The following SCAF8 variants were observed in gnomAD, a reference collection of about 807,000 sequenced individuals.
SCAF8 encodes SR-related and CTD-associated factor 8.
Under a neutral mutation model 140.5 loss-of-function variants are expected in SCAF8, and 23 were observed. That is an observed-to-expected ratio of 0.16 (90% CI 0.12 to 0.23). The LOEUF (loss-of-function observed/expected upper bound fraction) is 0.23, where lower values mean the gene tolerates loss of function less well. SCAF8 is among the 10% of genes least tolerant of loss of function. The pLI, the probability that SCAF8 is intolerant of heterozygous loss-of-function variation, is 1.00. For synonymous variants in SCAF8, 575 were observed against 528.9 expected, an observed-to-expected ratio of 1.09 and a Z score of -1.20; for missense variants, 1,397 against 1,555.7, an observed-to-expected ratio of 0.90 and a Z score of 1.72.
At chr6:154,779,804 C>CT (rs1232046887) in intron 3 of SCAF8, among the ~76,000 whole-genome samples, 21 of 144,458 alleles carry the variant, frequency 1.5e-4, no homozygotes, top group Middle Eastern at 3.6e-3. Context: ...TATATATACA[C>CT]TTTTTTTTTA....
rs994035245 is a variant in SCAF8, at chr6:154,735,485, A to G, written c.30+1555A>G. Among the ~76,000 whole-genome samples, 3 of 148,534 alleles carry G rather than the reference A, an allele frequency of 2.0e-5. No individual in the cohort carries two copies. The East Asian group carries it at 5.9e-4, about 29-fold the overall frequency. On this transcript the variant is annotated intron_variant, in intron 1 of 19. Transcript: ENST00000367178. ...TAATACTACATTTTTTATTTTTAAC[A>G]TTGATAAATTAGAGCAATAGACTTG...
chr6:154,781,040 T>C (rs576395775), intron 3 of SCAF8, among the ~76,000 whole-genome samples: 1 of 152,232 alleles, frequency 6.6e-6, no homozygotes. Flanking sequence ...ATCGGTTGTT[T>C]CTTGACTTTT....
rs934056641 is a variant in SCAF8, at chr6:154,833,971, A to G, written c.*576A>G. The G allele has an allele frequency of 6.6e-6, 1 of 152,322 alleles. No individual in the cohort carries two copies. Among genetic ancestry groups the G allele is most frequent in the African/African-American group, 2.4e-5 (1 of 41,458 alleles). The allele number at this position is 152,322 out of a possible 1,614,324, so 9.4% of individuals were successfully genotyped here. ...TCATACTGCAGTGAGTAAAAAAGAAACAAGAAAACAACAACATAAATATTA... is the reference window on the plus strand; with the variant it reads ...TCATACTGCAGTGAGTAAAAAAGAAGCAAGAAAACAACAACATAAATATTA... On this transcript the variant is annotated 3_prime_UTR_variant, in exon 20 of 20. Coordinates refer to ENST00000367178, the MANE Select transcript of SCAF8 (RefSeq NM_014892.5).
intron 14 of SCAF8, among the ~76,000 whole-genome samples, chr6:154,819,834 C>A (rs554211128): frequency 6.6e-6 from 1 of 151,996 alleles, no homozygotes; most frequent in South Asian, 2.1e-4. Context: ...CTAAAAAATA[C>A]AAAAATTAGT....
At chr6:154,817,769 T>C (rs1212712668) in intron 13 of SCAF8, among the ~76,000 whole-genome samples, 1 of 152,196 alleles carries the variant, frequency 6.6e-6, no homozygotes, top group Non-Finnish European at 1.5e-5. Flanking sequence ...AGAATGCCTT[T>C]TGAGTTTCTC....
chr6:154,756,985 C>G (rs1205482482), intron 1 of SCAF8, among the ~76,000 whole-genome samples: 1 of 152,140 alleles, frequency 6.6e-6, no homozygotes, highest in Non-Finnish European at 1.5e-5. Context: ...GGTTGCACCA[C>G]TGCACTCCAG....
At chr6:154,766,746 TGC>T (rs1400322158) in intron 1 of SCAF8, among the ~76,000 whole-genome samples, 2 of 148,252 alleles carry the variant, frequency 1.3e-5, no homozygotes, top group African/African-American at 4.9e-5. Flanking sequence ...TGAAGTCATG[TGC>T]AACATCTGGA....
At chr6:154,822,529 A>G in intron 16 of SCAF8, 120 bp downstream of exon 16, 2 of 1,003,228 alleles carry the variant, frequency 2.0e-6, no homozygotes, top group Non-Finnish European at 2.9e-6. Context: ...GTTTGTCAGT[A>G]GTGTTAGGGA....
intron 8 of SCAF8, among the ~76,000 whole-genome samples, chr6:154,803,999 A>C (rs558700705): frequency 6.6e-6 from 1 of 152,332 alleles, no homozygotes; most frequent in East Asian, 1.9e-4. Flanking sequence ...GTGGAAACAC[A>C]TCAACCTAAT....
intron 3 of SCAF8, among the ~76,000 whole-genome samples, chr6:154,785,461 A>G (rs1777225902): frequency 6.6e-6 from 1 of 152,188 alleles, no homozygotes; most frequent in Non-Finnish European, 1.5e-5. Context: ...CTCGCAATGC[A>G]TGGGTTTGTG....
At chr6:154,759,329 T>C (rs114611871) in intron 1 of SCAF8, among the ~76,000 whole-genome samples, 3 of 152,236 alleles carry the variant, frequency 2.0e-5, no homozygotes, top group African/African-American at 7.2e-5. Context: ...AAAGGACTTA[T>C]GCAGATGAGT....
At chr6:154,735,418 T>C (rs1228586244) in intron 1 of SCAF8, among the ~76,000 whole-genome samples, 1 of 152,142 alleles carries the variant, frequency 6.6e-6, no homozygotes. Context: ...CTATTTTCAA[T>C]AGCAGTGATA....
Position 154,805,494 on chromosome 6 carries a change from AC to A in SCAF8, c.981+12del. ...CAGCAACAGCCTCAAAAGGTTTATA[AC>A]CCCATCTTGTGGTCTTTAGAGTTAT... On this transcript the variant is annotated intron_variant, in intron 9 of 19. Transcript: ENST00000367178. The A allele has an allele frequency of 6.6e-7, 1 of 1,523,226 alleles. No homozygotes were observed. Among genetic ancestry groups the A allele is most frequent in the Non-Finnish European group, 9.1e-7 (1 of 1,103,104 alleles). 94.4% of individuals were successfully genotyped at this position (1,523,226 alleles called of 1,614,324 possible).
chr6:154,831,669 G>A (rs1233350589), intron 19 of SCAF8, among the ~76,000 whole-genome samples: 6 of 106,498 alleles, frequency 5.6e-5, no homozygotes. Context: ...TTTCTTTCCT[G>A]TCCTAAAGCC....
In SCAF8 at chr6:154,799,050, T is replaced by G. The variant is rs566400424; in HGVS notation, c.607-2921T>G. 2.6e-5 allele frequency among the ~76,000 whole-genome samples: 4 copies of G among 150,976 alleles called. 1 individual carries two copies. The highest frequency in any genetic ancestry group is 5.9e-5 in the Non-Finnish European group (4 of 67,542). ...CAGGCTGGAGTGAAATGGCGCTGTCTCGGCTCACTGCACCCTCCGCCTCCC... is the reference window on the plus strand; with the variant it reads ...CAGGCTGGAGTGAAATGGCGCTGTCGCGGCTCACTGCACCCTCCGCCTCCC... On this transcript the variant is annotated intron_variant, in intron 6 of 19. Transcript: ENST00000367178.
chr6:154,833,541 T>C lies in SCAF8; in HGVS notation c.*146T>C. 1.3e-6 allele frequency: 1 copy of C among 755,650 alleles called. No individual in the cohort carries two copies. Among genetic ancestry groups the C allele is most frequent in the Non-Finnish European group, 2.1e-6 (1 of 474,306 alleles). The allele number at this position is 755,650 out of a possible 1,614,324, so 46.8% of individuals were successfully genotyped here. On this transcript the variant is annotated 3_prime_UTR_variant, in exon 20 of 20. Transcript: ENST00000367178. The stretch of plus-strand genomic sequence containing the variant: ...ATGTTCACCTTTCTCTTAAAATAAT[T>C]GTACAACTGACTTGTATAGACATTG...
In SCAF8 at chr6:154,831,063, C is replaced by A; in HGVS notation, c.2282C>A (p.Thr761Asn). 6.2e-7 allele frequency: 1 copy of A among 1,613,988 alleles called. No individual in the cohort carries two copies. Among genetic ancestry groups the A allele is most frequent in the Non-Finnish European group, 8.5e-7 (1 of 1,179,920 alleles). ...LPAGNVFNAP[T>N]KQAEPEEKVP... ...GCTGGAAATGTTTTTAATGCTCCAA[C>A]TAAACAGGCAGAGCCTGAAGAAAAA... The change falls in exon 19 of 20, where the codon ACT becomes AAT. Residue 761 changes from threonine to asparagine, a missense_variant. Physicochemically the swap from Thr to Asn is moderately conservative, Grantham distance 65. This residue lies in a region of SCAF8 where 930 missense variants were observed against 874.6 expected (regional missense o/e 1.06). Transcript: ENST00000367178.
At position 154,733,443 on chromosome 6, in the gene SCAF8, A is replaced by G; in HGVS notation, c.-458A>G. 3 of 1,394,438 alleles carry G rather than the reference A, an allele frequency of 2.2e-6. No homozygotes were observed. The highest frequency in any genetic ancestry group is 1.5e-5 in the South Asian group (1 of 66,094). The allele number at this position is 1,394,438 out of a possible 1,614,324, so 86.4% of individuals were successfully genotyped here. A position where few individuals can be genotyped will look rare whatever the true frequency, so the allele number is the denominator to read the frequency against. On this transcript the variant is annotated 5_prime_UTR_variant, in exon 1 of 20. Transcript: ENST00000367178. ...ATTGGATGCCGCAGCCGCTGCTGCC[A>G]GCGCTTCCTCCTCTGTCTTCGCCGA...
At chr6:154,771,234 A>G (rs1440969188) in intron 1 of SCAF8, among the ~76,000 whole-genome samples, 1 of 152,260 alleles carries the variant, frequency 6.6e-6, no homozygotes, top group African/African-American at 2.4e-5. Context: ...CAAAGAAAGC[A>G]TAAAAGAGGG....
Sources: allele counts gnomAD v4.1 joint callset (sites outside exome capture counted in the v4.1 genomes callset), GRCh38; gene constraint gnomAD v4.1.1; regional missense constraint gnomAD v4.1.1; transcripts MANE v1.5; gene names NCBI Gene and HGNC (gene_info 2026-07-23, HGNC 2026-07-21).